Variants in SECISBP2L observed in about 807,000 individuals in gnomAD.
SECISBP2L encodes the protein selenocysteine insertion sequence-binding protein 2-like.
SECISBP2L carries 43 observed loss-of-function variants against 114.7 expected under a neutral mutation model. The observed-to-expected ratio is 0.38, with a 90% CI of 0.29 to 0.48. The LOEUF (loss-of-function observed/expected upper bound fraction) is 0.48, where lower values mean the gene tolerates loss of function less well. SECISBP2L is among the 20% of genes least tolerant of loss of function. SECISBP2L has a pLI of 0.98. For missense variants in SECISBP2L, 1,136 were observed against 1,301.1 expected (o/e 0.87, Z 1.95); for synonymous variants, 451 against 439.7 (o/e 1.03, Z -0.32).
rs565666953 is a variant in SECISBP2L, at chr15:48,992,142, C to T, written c.*102G>A. 1.6e-5 allele frequency: 17 copies of T among 1,060,556 alleles called. No individual in the cohort carries two copies. The Admixed American group carries it at 1.8e-4, about 11-fold the overall frequency. 65.7% of individuals were successfully genotyped at this position (1,060,556 alleles called of 1,614,324 possible). A position where few individuals can be genotyped will look rare whatever the true frequency, so the allele number is the denominator to read the frequency against. ...AAAAATATTTGTTGGGAATTAAATA[C>T]GTATATTAAATACTGGACAGTGCAA... On this transcript the variant is annotated 3_prime_UTR_variant, in exon 18 of 18. Transcript: ENST00000559471.
At position 49,035,338 on chromosome 15, in the gene SECISBP2L, G is replaced by A. The variant is rs763384892; in HGVS notation, c.524C>T (p.Pro175Leu). ...SRNSNRGSVVPKQQLLQQHIK... is the reference protein window; with the variant it reads ...SRNSNRGSVVLKQQLLQQHIK... ...CAATCAAGACCAGACACTTACTTTTGGGACCACTGATCCTCTGTTACTGTT... is the reference window on the plus strand; with the variant it reads ...CAATCAAGACCAGACACTTACTTTTAGGACCACTGATCCTCTGTTACTGTT... The change falls in exon 3 of 18, where the codon CCA becomes CTA. Residue 175 changes from proline (P) to leucine (L), a missense_variant. Pro to Leu is a moderately conservative substitution (Grantham distance 98, BLOSUM62 -3). Around this residue, in one of 2 missense-constraint regions of SECISBP2L, gnomAD observed 452 missense variants for 452.3 expected, o/e 1.00. Transcript: ENST00000559471. 6.2e-7 allele frequency: 1 copy of A among 1,612,330 alleles called. No homozygotes were observed. The highest frequency in any genetic ancestry group is 1.7e-5 in the Admixed American group (1 of 59,918).
intron 2 of SECISBP2L, 22 bp from the exon 3 acceptor site, chr15:49,035,680 G>A: frequency 1.3e-6 from 2 of 1,579,232 alleles, no homozygotes; most frequent in East Asian, 2.3e-5. Flanking sequence ...AATCAAAGAA[G>A]AACAAATCTA....
Position 48,988,705 on chromosome 15 carries a change from CTGT to C in SECISBP2L, c.*3536_*3538del, listed in dbSNP as rs1901909478. 7.0e-6 allele frequency: 3 copies of C among 425,612 alleles called. No homozygotes were observed. Among genetic ancestry groups the C allele is most frequent in the Non-Finnish European group, 1.4e-5 (3 of 210,584 alleles). The allele number at this position is 425,612 out of a possible 1,614,324, so 26.4% of individuals were successfully genotyped here. On this transcript the variant is annotated 3_prime_UTR_variant, in exon 18 of 18. Transcript: ENST00000559471. ...CTAGTATTTACATAGTGCAAAAAAG[CTGT>C]TATTACCCCCCAAATGTGATATAAC...
At chr15:49,000,765 A>G in intron 15 of SECISBP2L, 112 bp downstream of exon 15, 1 of 802,440 alleles carries the variant, frequency 1.2e-6, no homozygotes, top group Non-Finnish European at 1.9e-6. Context: ...TCATGCTCCA[A>G]TATTGTTTTA....
In SECISBP2L at chr15:49,019,499, C is replaced by T. The variant is rs1026254669; in HGVS notation, c.1089G>A (p.Leu363=). The T allele has an allele frequency of 7.1e-5, 107 of 1,512,976 alleles. No individual in the cohort carries two copies. Among genetic ancestry groups the T allele is most frequent in the Non-Finnish European group, 8.8e-5 (100 of 1,137,352 alleles). The allele number at this position is 1,512,976 out of a possible 1,614,324, so 93.7% of individuals were successfully genotyped here. The part of the protein sequence containing the change: ...HSTSSERRQN[L]QKRPDNKHLS... ...AATGCTTATTATCTGGTCTCTTTTGCAAATTCTGTCTTCTTTCTGAGGAAG... is the reference window on the plus strand; with the variant it reads ...AATGCTTATTATCTGGTCTCTTTTGTAAATTCTGTCTTCTTTCTGAGGAAG... The change falls in exon 8 of 18, where the codon TTG becomes TTA. Residue 363 remains leucine (L), a synonymous_variant. Coordinates refer to ENST00000559471, the MANE Select transcript of SECISBP2L (RefSeq NM_001193489.2).
At chr15:49,022,755 A>C (rs1459433950) in intron 7 of SECISBP2L, among the ~76,000 whole-genome samples, 3 of 152,380 alleles carry the variant, frequency 2.0e-5, no homozygotes, top group Admixed American at 2.0e-4. Flanking sequence ...ATATTTGGGA[A>C]TTTAATAAGT....
chr15:49,028,045 G>GT (rs1340785373), intron 6 of SECISBP2L, 99 bp downstream of exon 6: 162 of 1,099,646 alleles, frequency 1.5e-4, no homozygotes, highest in Middle Eastern at 4.0e-4. Flanking sequence ...AGACTTCTAA[G>GT]TTTTTTTTGC....
chr15:49,031,754 CCTT>C (rs1902893575), intron 4 of SECISBP2L, among the ~76,000 whole-genome samples: 1 of 152,094 alleles, frequency 6.6e-6, no homozygotes, highest in Admixed American at 6.5e-5. Flanking sequence ...TCAAATTTCA[CCTT>C]CATCTTTTCA....
chr15:49,029,332 T>G (rs11638981), intron 4 of SECISBP2L, among the ~76,000 whole-genome samples: 3 of 152,112 alleles, frequency 2.0e-5, no homozygotes, highest in Admixed American at 6.6e-5. Flanking sequence ...CTGAATTCTG[T>G]GCATATCATT....
chr15:49,016,145 A>C (rs1032733075), intron 11 of SECISBP2L, among the ~76,000 whole-genome samples: 2 of 152,234 alleles, frequency 1.3e-5, no homozygotes, highest in Non-Finnish European at 2.9e-5. Flanking sequence ...CTGAGCAGTG[A>C]AGTGATATAA....
At chr15:49,041,025 G>C (rs1004426952) in intron 1 of SECISBP2L, among the ~76,000 whole-genome samples, 3 of 151,910 alleles carry the variant, frequency 2.0e-5, no homozygotes, top group Non-Finnish European at 2.9e-5. Context: ...TCCTCAGTTT[G>C]AATTTCTGTG....
At position 49,012,774 on chromosome 15, in the gene SECISBP2L, T is replaced by C. The variant is rs773636698; in HGVS notation, c.1605A>G (p.Arg535=). Residue 535 remains arginine (R), a synonymous_variant, in exon 12 of 18, where the codon AGA becomes AGG. Transcript: ENST00000559471. ...ASFHTKDSTN[R]KPLTKSQPCL... is the part of the protein sequence containing the mutation. ...AGGGCTGACTTTTGGTTAAAGGTTT[T>C]CTATTAGTAGAGTCTTTAGTGTGAA... 1.2e-6 allele frequency: 2 copies of C among 1,613,924 alleles called. No individual in the cohort carries two copies. Among genetic ancestry groups the C allele is most frequent in the South Asian group, 1.1e-5 (1 of 91,052 alleles).
At chr15:49,009,513 C>G in intron 13 of SECISBP2L, 135 bp from the exon 14 acceptor site, 1 of 733,236 alleles carries the variant, frequency 1.4e-6, no homozygotes, top group Non-Finnish European at 2.2e-6. Context: ...ATAAGGTGGG[C>G]ATTTTTCATA....
At chr15:49,000,098 G>A (rs902007587) in intron 15 of SECISBP2L, 111 bp from the exon 16 acceptor site, 3 of 1,092,384 alleles carry the variant, frequency 2.7e-6, no homozygotes, top group Middle Eastern at 2.1e-4. Context: ...ATGAACACTT[G>A]TAGCACTTAA....
intron 11 of SECISBP2L, 160 bp downstream of exon 11, chr15:49,016,400 C>G (rs1902536963): frequency 3.5e-6 from 2 of 574,736 alleles, no homozygotes; most frequent in East Asian, 3.3e-5. Context: ...GCGGTTTAAG[C>G]TGACTTAAAA....
intron 7 of SECISBP2L, 115 bp downstream of exon 7, chr15:49,027,248 CAT>C (rs1436634232): frequency 2.2e-5 from 14 of 622,566 alleles, no homozygotes; most frequent in Admixed American, 1.9e-4. Flanking sequence ...TAAAGTTACA[CAT>C]GATAGTTCAC....
At chr15:49,046,230 G>T in intron 1 of SECISBP2L, 46 bp downstream of exon 1, 1 of 1,566,628 alleles carries the variant, frequency 6.4e-7, no homozygotes. Context: ...TGAGGAAGCG[G>T]CGACCCCAAC....
chr15:49,037,585 A>G lies in SECISBP2L; in HGVS notation c.203+6T>C, dbSNP rs1903037692. On this transcript the variant is annotated splice_donor_region_variant and intron_variant, in intron 2 of 17. Coordinates refer to ENST00000559471, the MANE Select transcript of SECISBP2L (RefSeq NM_001193489.2). ...ACAAAAAAGAAAATAAAAATAAACA[A>G]ATTACCTATTGGACTGGTTTTCCTG... The G allele has an allele frequency of 1.2e-6, 2 of 1,610,128 alleles. No individual in the cohort carries two copies. Among genetic ancestry groups the G allele is most frequent in the Non-Finnish European group, 8.5e-7 (1 of 1,179,042 alleles).
At chr15:49,015,493 T>G (rs932922737) in intron 11 of SECISBP2L, among the ~76,000 whole-genome samples, 6 of 152,180 alleles carry the variant, frequency 3.9e-5, no homozygotes, top group African/African-American at 1.2e-4. Flanking sequence ...TAATAAGTAA[T>G]AGTCCCTTCA....
Sources: gnomAD v4.1 joint callset for allele counts (sites outside exome capture counted in the v4.1 genomes callset) on GRCh38, gnomAD v4.1.1 for gene constraint, gnomAD v4.1.1 regional missense constraint, MANE v1.5 for transcripts, NCBI Gene and HGNC (gene_info 2026-07-23, HGNC 2026-07-21) for gene names.